Variants in PCNX1 observed in about 807,000 individuals in gnomAD.
The protein encoded by PCNX1 is pecanex 1, also known as pecanex-like protein 1.
A neutral mutation model predicts 242.2 loss-of-function variants in PCNX1; 78 were observed. The observed-to-expected ratio is 0.32, with a 90% CI of 0.27 to 0.39. PCNX1 has a LOEUF of 0.39. PCNX1 is among the 10% of genes least tolerant of loss of function. The probability of loss-of-function intolerance (pLI) is 1.00; values close to 1 mark genes in which losing one functional copy is unlikely to be tolerated. For missense variants in PCNX1, 2,581 were observed against 2,856.5 expected, an observed-to-expected ratio of 0.90 and a Z score of 2.20; for synonymous variants, 1,024 against 1,032.9, an observed-to-expected ratio of 0.99 and a Z score of 0.17.
chr14:70,917,181 CAA>C (rs1266164413), intron 1 of PCNX1, among the ~76,000 whole-genome samples: 1 of 152,198 alleles, frequency 6.6e-6, no homozygotes, highest in Non-Finnish European at 1.5e-5. Context: ...TTAAACCCCT[CAA>C]AGTTATCCAT....
intron 2 of PCNX1, among the ~76,000 whole-genome samples, chr14:70,952,470 T>C (rs570960752): frequency 6.6e-6 from 1 of 152,208 alleles, no homozygotes; most frequent in Non-Finnish European, 1.5e-5. Flanking sequence ...ACTCCCTTGC[T>C]TTTCTTTATT....
At chr14:70,964,026 T>G (rs1204004008) in intron 3 of PCNX1, among the ~76,000 whole-genome samples, 1 of 152,204 alleles carries the variant, frequency 6.6e-6, no homozygotes, top group East Asian at 1.9e-4. Context: ...GTTGTTTGTT[T>G]GTTTAAAGAA....
At position 70,949,510 on chromosome 14, in the gene PCNX1, T is replaced by TGCTTAAG. The variant is rs1342184032; in HGVS notation, c.362+2387_362+2388insGCTTAAG. On this transcript the variant is annotated intron_variant, in intron 2 of 35. Transcript: ENST00000304743. Reference sequence around the variant, plus strand: ...CACACCTTAAGCAAATTGTGATATTTTACTTGACATTTATAAGTAGTATAC... The same window carrying TGCTTAAG: ...CACACCTTAAGCAAATTGTGATATTTGCTTAAGTACTTGACATTTATAAGTAGTATAC... 5.3e-5 allele frequency among the ~76,000 whole-genome samples: 8 copies of TGCTTAAG among 152,164 alleles called. No homozygotes were observed. The East Asian group carries it at 1.5e-3, about 29-fold the overall frequency.
intron 1 of PCNX1, among the ~76,000 whole-genome samples, chr14:70,920,722 A>G (rs1483959188): frequency 6.6e-6 from 1 of 152,216 alleles, no homozygotes; most frequent in Non-Finnish European, 1.5e-5. Context: ...TTATAAATTG[A>G]GGCTATGAGA....
Position 70,977,224 on chromosome 14 carries a change from C to T in PCNX1, c.887C>T (p.Thr296Ile), listed in dbSNP as rs763329232. 1.2e-6 allele frequency: 2 copies of T among 1,614,222 alleles called. No homozygotes were observed. Among genetic ancestry groups the T allele is most frequent in the Non-Finnish European group, 1.7e-6 (2 of 1,180,040 alleles). The change falls in exon 6 of 36, where the codon ACT becomes ATT. Residue 296 changes from threonine to isoleucine, a missense_variant. This residue lies in a region of PCNX1 where 1,204 missense variants were observed against 1,216.7 expected (regional missense o/e 0.99). Coordinates refer to ENST00000304743, the MANE Select transcript of PCNX1 (RefSeq NM_014982.3). Reference protein sequence around the residue: ...TSSSAVAFPDTSLNDFPLYQQ... With the variant: ...TSSSAVAFPDISLNDFPLYQQ... ...AGCTCTGCTGTGGCTTTTCCAGACA[C>T]TTCACTGAATGATTTTCCCCTTTAT... is the stretch of plus-strand genomic sequence containing the variant.
intron 28 of PCNX1, among the ~76,000 whole-genome samples, chr14:71,079,461 A>G (rs1033103962): frequency 6.6e-6 from 1 of 152,208 alleles, no homozygotes; most frequent in East Asian, 1.9e-4. Flanking sequence ...ACTCCTACCA[A>G]CAGTGTAAAA....
rs563675504 is a variant in PCNX1 at position 71,069,058 on chromosome 14, G to T, written c.4853-4487G>T. Among the ~76,000 whole-genome samples, 10 of 152,206 alleles carry T rather than the reference G, an allele frequency of 6.6e-5. No individual in the cohort carries two copies. The South Asian group carries it at 2.1e-3, about 32-fold the overall frequency. On this transcript the variant is annotated intron_variant, in intron 26 of 35. Transcript: ENST00000304743. ...GGGAGGCCTCCCAGTCATGGCAGAA[G>T]GTGAAAGGCATATCTTACATGGCAG...
chr14:71,082,455 G>A (rs928297074), intron 28 of PCNX1, among the ~76,000 whole-genome samples: 3 of 152,114 alleles, frequency 2.0e-5, no homozygotes, highest in Admixed American at 1.3e-4. Context: ...ACAGTGGGGT[G>A]TTAAAATCTC....
chr14:71,033,217 C>T lies in PCNX1; in HGVS notation c.3559-212C>T, dbSNP rs561746190. ...GCCCTCCCCCCAAAAACATCTGTAG[C>T]TTTAGTACCAAAGACATTTAGTGGC... On this transcript the variant is annotated intron_variant, in intron 16 of 35. Coordinates refer to ENST00000304743, the MANE Select transcript of PCNX1 (RefSeq NM_014982.3). Among the ~76,000 whole-genome samples, 1,269 of 152,256 alleles carry T rather than the reference C, an allele frequency of 8.3e-3. 10 individuals are homozygous for T. Among genetic ancestry groups the T allele is most frequent in the African/African-American group, 0.029 (1,195 of 41,548 alleles).
intron 2 of PCNX1, among the ~76,000 whole-genome samples, chr14:70,953,479 A>AT (rs1233062475): frequency 6.6e-6 from 1 of 150,534 alleles, no homozygotes; most frequent in Admixed American, 6.6e-5. Flanking sequence ...GGAATTTTTT[A>AT]TTTTTTTATA....
intron 15 of PCNX1, among the ~76,000 whole-genome samples, chr14:71,028,258 A>C (rs947134860): frequency 2.6e-5 from 4 of 151,994 alleles, no homozygotes; most frequent in African/African-American, 9.6e-5. Flanking sequence ...TTTTTTCTGA[A>C]AATTAACACA....
chr14:70,976,125 G>A (rs2058679203), intron 5 of PCNX1, among the ~76,000 whole-genome samples: 1 of 152,078 alleles, frequency 6.6e-6, no homozygotes, highest in Non-Finnish European at 1.5e-5. Flanking sequence ...TTAATATTGT[G>A]TTAGTAAGGT....
intron 2 of PCNX1, among the ~76,000 whole-genome samples, chr14:70,958,975 T>C (rs766188122): frequency 2.9e-5 from 4 of 135,934 alleles, no homozygotes; most frequent in Non-Finnish European, 6.2e-5. Context: ...ATATCCTCTG[T>C]AATGTCCAAC....
In PCNX1 at chr14:70,988,646, CA is replaced by C; in HGVS notation, c.2393del (p.Asn798MetfsTer17). The C allele has an allele frequency of 6.2e-7, 1 of 1,614,110 alleles. No individual in the cohort carries two copies. Among genetic ancestry groups the C allele is most frequent in the Non-Finnish European group, 8.5e-7 (1 of 1,179,974 alleles). ...FRRQAVRRRH[N>X]AGSNPTPPTL... Reference sequence around the variant, plus strand: ...GGCGCCAGGCAGTACGGCGCCGGCACAATGCAGGGAGTAACCCTACCCCTCC... The same window carrying C: ...GGCGCCAGGCAGTACGGCGCCGGCACATGCAGGGAGTAACCCTACCCCTCC... On this transcript the variant is annotated frameshift_variant, in exon 7 of 36. Coordinates refer to ENST00000304743, the MANE Select transcript of PCNX1 (RefSeq NM_014982.3). LOFTEE classifies it high-confidence loss of function.
chr14:71,089,099 C>A (rs1029673161), intron 29 of PCNX1, 93 bp from the exon 30 acceptor site: 5 of 940,864 alleles, frequency 5.3e-6, no homozygotes, highest in Admixed American at 2.3e-5. Context: ...TCAAAACACT[C>A]CCAGGTGATT....
At position 70,998,484 on chromosome 14, in the gene PCNX1, C is replaced by A. The variant is rs1301212762; in HGVS notation, c.2629+2559C>A. Among the ~76,000 whole-genome samples the A allele has an allele frequency of 2.0e-5, 3 of 151,940 alleles. No individual in the cohort carries two copies. The East Asian group carries it at 5.8e-4, about 29-fold the overall frequency. On this transcript the variant is annotated intron_variant, in intron 8 of 35. Transcript: ENST00000304743. ...GAAAAACTTAGGCTGGGCTCGGTGG[C>A]TCATGCCTGTACTCCCAGTACTTTG...
intron 6 of PCNX1, among the ~76,000 whole-genome samples, chr14:70,983,560 C>T (rs1394563350): frequency 6.6e-6 from 1 of 152,182 alleles, no homozygotes; most frequent in Non-Finnish European, 1.5e-5. Context: ...ACCTCGGCCT[C>T]CCAAAGTGCT....
At chr14:70,941,699 CT>C (rs1484630759) in intron 1 of PCNX1, among the ~76,000 whole-genome samples, 1 of 152,178 alleles carries the variant, frequency 6.6e-6, no homozygotes, top group Non-Finnish European at 1.5e-5. Flanking sequence ...TTTCTGCTGC[CT>C]TTTGTTCAGC....
rs148096744 is a variant in PCNX1 at position 70,914,539 on chromosome 14, C to T, written c.153+6536C>T. Among the ~76,000 whole-genome samples the T allele has an allele frequency of 8.9e-3, 1,360 of 152,096 alleles. 9 individuals carry two copies. Among genetic ancestry groups the T allele is most frequent in the South Asian group, 0.017 (82 of 4,814 alleles). On this transcript the variant is annotated intron_variant, in intron 1 of 35. Coordinates refer to ENST00000304743, the MANE Select transcript of PCNX1 (RefSeq NM_014982.3). ...AGGAAAGTTTCTATTTTTTTTCTAG[C>T]CTTTGAATACACAGATTCAGTCAGG... is the stretch of plus-strand genomic sequence containing the variant.
Sources: allele counts gnomAD v4.1 joint callset (sites outside exome capture counted in the v4.1 genomes callset), GRCh38; gene constraint gnomAD v4.1.1; regional missense constraint gnomAD v4.1.1; transcripts MANE v1.5; gene names NCBI Gene and HGNC (gene_info 2026-07-23, HGNC 2026-07-21).